The following SAXO1 variants were observed in gnomAD, a reference collection of about 807,000 sequenced individuals.
SAXO1 encodes 4930500O09Rik.
SAXO1 carries 21 observed loss-of-function variants against 17.5 expected under a neutral mutation model. The observed-to-expected ratio is 1.20, with a 90% CI of 0.85 to 1.72. The LOEUF is 1.72. Ranked by LOEUF, SAXO1 falls within the 40% of genes most tolerant of loss-of-function variation. The pLI is 0.00. For synonymous variants in SAXO1, 274 were observed against 216.5 expected, an observed-to-expected ratio of 1.27 and a Z score of -2.33; for missense variants, 843 against 596.0, an observed-to-expected ratio of 1.41 and a Z score of -4.32.
At chr9:18,996,703 G>T (rs115510038) in intron 1 of SAXO1, among the ~76,000 whole-genome samples, 1 of 151,990 alleles carries the variant, frequency 6.6e-6, no homozygotes, top group Non-Finnish European at 1.5e-5. Flanking sequence ...CATGATAAAG[G>T]CCACGGATGA....
At position 18,928,832 on chromosome 9, in the gene SAXO1, G is replaced by C. The variant is rs370237688; in HGVS notation, c.645C>G (p.Pro215=). ...TNYKMSYVAH[P]VEKRFVHEAE... ...CTTCATGCACAAAGCGCTTCTCCAC[G>C]GGGTGGGCCACATAGCTCATCTTGT... The change falls in exon 4 of 4, where the codon CCC becomes CCG. Residue 215 remains proline (P), a synonymous_variant. Coordinates refer to ENST00000380534, the MANE Select transcript of SAXO1 (RefSeq NM_153707.4). 5 of 1,613,996 alleles carry C rather than the reference G, an allele frequency of 3.1e-6. No homozygotes were observed. The African/African-American group carries it at 4.0e-5, about 13-fold the overall frequency.
At position 19,030,679 on chromosome 9, in the gene SAXO1, G is replaced by T. The variant is rs114315215; in HGVS notation, c.38+2192C>A. ...AGAGATCGCGCCACTGCACGACAGA[G>T]TAAGACTCCATCTCAAAAAAATAAA... is the stretch of plus-strand genomic sequence containing the variant. On this transcript the variant is annotated intron_variant, in intron 1 of 3. Coordinates refer to ENST00000380534, the MANE Select transcript of SAXO1 (RefSeq NM_153707.4). Among the ~76,000 whole-genome samples, 661 of 151,978 alleles carry T rather than the reference G, an allele frequency of 4.3e-3. 5 individuals are homozygous for T. Among genetic ancestry groups the T allele is most frequent in the African/African-American group, 0.015 (618 of 41,408 alleles).
intron 1 of SAXO1, among the ~76,000 whole-genome samples, chr9:18,985,477 G>A (rs1475603847): frequency 6.6e-6 from 1 of 152,208 alleles, no homozygotes; most frequent in Non-Finnish European, 1.5e-5. Context: ...TGCACACAGT[G>A]TAGCAATCAG....
intron 1 of SAXO1, among the ~76,000 whole-genome samples, chr9:19,045,036 C>A (rs1257708030): frequency 1.3e-5 from 2 of 151,706 alleles, no homozygotes; most frequent in East Asian, 4.0e-4. Context: ...GACGGCCGGG[C>A]GCGGTGGCTC....
intron 1 of SAXO1, among the ~76,000 whole-genome samples, chr9:18,961,110 A>T (rs1832464965): frequency 6.6e-6 from 1 of 152,240 alleles, no homozygotes; most frequent in South Asian, 2.1e-4. Flanking sequence ...TAAGGAAACA[A>T]ATGCTAAAGT....
chr9:19,012,887 C>G (rs962793610), intron 1 of SAXO1, among the ~76,000 whole-genome samples: 1 of 152,176 alleles, frequency 6.6e-6, no homozygotes, highest in Non-Finnish European at 1.5e-5. Flanking sequence ...GGGCTGCTCT[C>G]TCAGGGTGCT....
intron 3 of SAXO1, among the ~76,000 whole-genome samples, chr9:18,933,872 C>G (rs750630137): frequency 1.3e-5 from 2 of 152,064 alleles, no homozygotes; most frequent in African/African-American, 4.8e-5. Context: ...TGGTGAAACC[C>G]TGTCTCTACT....
At chr9:19,015,174 C>G (rs1013977249) in intron 1 of SAXO1, among the ~76,000 whole-genome samples, 2 of 152,016 alleles carry the variant, frequency 1.3e-5, no homozygotes, top group Non-Finnish European at 2.9e-5. Context: ...AAAAGATTTG[C>G]AAGTCTTAAA....
At chr9:19,046,933 C>A (rs1364701015) in intron 1 of SAXO1, among the ~76,000 whole-genome samples, 2 of 151,754 alleles carry the variant, frequency 1.3e-5, no homozygotes, top group Non-Finnish European at 2.9e-5. Flanking sequence ...ATGCCTGTAA[C>A]CCCAGCACTT....
intron 1 of SAXO1, chr9:19,027,414 G>C: frequency 1.3e-6 from 1 of 756,970 alleles, no homozygotes; most frequent in Non-Finnish European, 2.4e-6. Context: ...CTGGGGGCTT[G>C]GACAAGCAGA....
intron 1 of SAXO1, among the ~76,000 whole-genome samples, chr9:18,997,108 G>A (rs370487084): frequency 4.3e-4 from 66 of 152,286 alleles, no homozygotes; most frequent in African/African-American, 1.3e-3. Flanking sequence ...AGTGGGTGCC[G>A]CCCACAGAGG....
At chr9:18,982,054 C>T (rs1428257753) in intron 1 of SAXO1, among the ~76,000 whole-genome samples, 1 of 152,194 alleles carries the variant, frequency 6.6e-6, no homozygotes, top group Non-Finnish European at 1.5e-5. Flanking sequence ...CAGCCCCTCA[C>T]ATGCTTCACT....
intron 3 of SAXO1, among the ~76,000 whole-genome samples, chr9:18,929,520 C>T (rs1455808942): frequency 6.6e-6 from 1 of 152,208 alleles, no homozygotes; most frequent in Admixed American, 6.5e-5. Context: ...CCTACCTGGT[C>T]GTCTGTGGAG....
chr9:18,954,527 G>A (rs1832170994), intron 1 of SAXO1, among the ~76,000 whole-genome samples: 2 of 152,000 alleles, frequency 1.3e-5, no homozygotes, highest in Admixed American at 1.3e-4. Flanking sequence ...TGTAGAGATA[G>A]GGTTTCACCA....
intron 1 of SAXO1, among the ~76,000 whole-genome samples, chr9:19,042,076 G>A (rs897106409): frequency 4.0e-5 from 6 of 149,902 alleles, no homozygotes; most frequent in African/African-American, 9.9e-5. Flanking sequence ...TATATAAGGA[G>A]CTCAAACAAC....
intron 1 of SAXO1, among the ~76,000 whole-genome samples, chr9:18,963,490 T>C (rs951822145): frequency 6.6e-6 from 1 of 152,226 alleles, no homozygotes; most frequent in Non-Finnish European, 1.5e-5. Context: ...CAGTGGCTTG[T>C]AGTTCTCCTT....
At chr9:18,949,516 C>G (rs562543937) in intron 2 of SAXO1, among the ~76,000 whole-genome samples, 1 of 152,260 alleles carries the variant, frequency 6.6e-6, no homozygotes, top group East Asian at 1.9e-4. Flanking sequence ...AGGCCCTCAA[C>G]TCCCTCTCAT....
intron 1 of SAXO1, among the ~76,000 whole-genome samples, chr9:19,012,068 T>C (rs759041834): frequency 4.6e-5 from 7 of 152,008 alleles, no homozygotes; most frequent in Non-Finnish European, 1.0e-4. Flanking sequence ...ATGGTCTCGA[T>C]CTCTTGACCT....
In SAXO1 at chr9:18,964,059, G is replaced by GAAACAAA; in HGVS notation, c.39-13123_39-13122insTTTGTTT. Among the ~76,000 whole-genome samples, 7 of 152,284 alleles carry GAAACAAA rather than the reference G, an allele frequency of 4.6e-5. No individual in the cohort carries two copies. The Middle Eastern group carries it at 0.02, about 444-fold the overall frequency. On this transcript the variant is annotated intron_variant, in intron 1 of 3. Transcript: ENST00000380534. ...GGTTTTTGTCATTGGTTCTGTGTAT[G>GAAACAAA]TGATGGATTATGTTTATTGATTTGC...
Sources: allele counts gnomAD v4.1 joint callset (sites outside exome capture counted in the v4.1 genomes callset), GRCh38; gene constraint gnomAD v4.1.1; transcripts MANE v1.5; gene names NCBI Gene and HGNC (gene_info 2026-07-23, HGNC 2026-07-21).